The following POLQ variants were observed in gnomAD, a reference collection of about 807,000 sequenced individuals.
The protein encoded by POLQ is DNA polymerase theta, also known as epididymis secretory sperm binding protein.
Under a neutral mutation model 259.2 loss-of-function variants are expected in POLQ, and 233 were observed. The observed-to-expected ratio is 0.90, with a 90% CI of 0.81 to 1.00. The LOEUF is 1.00. Ranked by LOEUF, POLQ falls within the 50% of genes least tolerant of loss-of-function variation. The pLI is 0.00. For missense variants in POLQ, 2,871 were observed against 3,051.6 expected, an observed-to-expected ratio of 0.94 and a Z score of 1.39; for synonymous variants, 1,025 against 1,048.8, an observed-to-expected ratio of 0.98 and a Z score of 0.44.
At chr3:121,515,771 A>G (rs1474698667) in intron 9 of POLQ, among the ~76,000 whole-genome samples, 1 of 152,210 alleles carries the variant, frequency 6.6e-6, no homozygotes, top group Non-Finnish European at 1.5e-5. Context: ...CACAGATTAC[A>G]AAGAACCAGG....
chr3:121,470,990 TGTCTA>T (rs1471429256), intron 22 of POLQ, among the ~76,000 whole-genome samples: 1 of 152,192 alleles, frequency 6.6e-6, no homozygotes, highest in East Asian at 1.9e-4. Flanking sequence ...TTAAGTATCT[TGTCTA>T]AAGATTCACA....
Position 121,481,754 on chromosome 3 carries a change from G to A in POLQ, c.6029C>T (p.Thr2010Ile). 6.2e-7 allele frequency: 1 copy of A among 1,613,866 alleles called. No homozygotes were observed. Among genetic ancestry groups the A allele is most frequent in the South Asian group, 1.1e-5 (1 of 91,078 alleles). ...SQEPTLHSIVTSFLPHELPLL... is the reference protein window; with the variant it reads ...SQEPTLHSIVISFLPHELPLL... ...TGGAAGCTCATGAGGAAGAAAACTG[G>A]TAACTATGCTATGAAGAGTCGGCTC... Residue 2010 changes from threonine to isoleucine, a missense_variant, in exon 19 of 30, where the codon ACC becomes ATC. Around this residue, in one of 3 missense-constraint regions of POLQ, gnomAD observed 2,080 missense variants for 2,126.0 expected, o/e 0.98. Transcript: ENST00000264233.
intron 6 of POLQ, among the ~76,000 whole-genome samples, chr3:121,530,207 C>G (rs1424679413): frequency 6.6e-6 from 1 of 152,106 alleles, no homozygotes; most frequent in Non-Finnish European, 1.5e-5. Flanking sequence ...TCAATAGAAA[C>G]CATACTTTGG....
At chr3:121,539,938 TAAAG>T (rs2048478948) in intron 3 of POLQ, among the ~76,000 whole-genome samples, 1 of 152,132 alleles carries the variant, frequency 6.6e-6, no homozygotes, top group African/African-American at 2.4e-5. Flanking sequence ...CTATAACACT[TAAAG>T]AAACAAATTT....
chr3:121,460,284 A>C (rs373891377), intron 24 of POLQ, 50 bp from the exon 25 acceptor site: 10 of 1,365,848 alleles, frequency 7.3e-6, no homozygotes, highest in African/African-American at 7.2e-5. Context: ...TCTATATCAC[A>C]CAATCCAAGT....
chr3:121,543,260 CACTA>C (rs1230261599), intron 2 of POLQ, among the ~76,000 whole-genome samples: 1 of 152,224 alleles, frequency 6.6e-6, no homozygotes, highest in Non-Finnish European at 1.5e-5. Flanking sequence ...ATGCCACTGC[CACTA>C]ACTATGACTT....
intron 7 of POLQ, among the ~76,000 whole-genome samples, chr3:121,523,510 G>A (rs755113669): frequency 5.3e-5 from 8 of 152,070 alleles, no homozygotes; most frequent in Non-Finnish European, 8.8e-5. Context: ...CCAGGAGTTT[G>A]AGACCAGCCT....
intron 9 of POLQ, among the ~76,000 whole-genome samples, chr3:121,514,481 C>T (rs953330526): frequency 4.6e-5 from 7 of 151,924 alleles, no homozygotes; most frequent in Non-Finnish European, 8.8e-5. Flanking sequence ...GACCTCATCA[C>T]CCCTTCCACT....
intron 12 of POLQ, among the ~76,000 whole-genome samples, chr3:121,501,061 G>A (rs985907811): frequency 1.1e-4 from 16 of 152,078 alleles, no homozygotes; most frequent in Admixed American, 6.5e-4. Context: ...CCTCCTGGGC[G>A]GAAGCCATCC....
At chr3:121,482,313 G>A (rs896111743) in intron 18 of POLQ, among the ~76,000 whole-genome samples, 2 of 152,142 alleles carry the variant, frequency 1.3e-5, no homozygotes, top group African/African-American at 4.8e-5. Context: ...GAGGTCAGAA[G>A]TTCAAGACTA....
chr3:121,486,554 A>AAATT (rs1560096298), intron 16 of POLQ, among the ~76,000 whole-genome samples: 1 of 150,918 alleles, frequency 6.6e-6, no homozygotes, highest in African/African-American at 2.4e-5. Flanking sequence ...TCTGTCTAAA[A>AAATT]AATAATAATA....
chr3:121,513,383 C>G (rs890924164), intron 9 of POLQ, among the ~76,000 whole-genome samples: 4 of 151,796 alleles, frequency 2.6e-5, no homozygotes, highest in African/African-American at 4.8e-5. Context: ...GAGGGCAGAT[C>G]ACGAGGTCAA....
At chr3:121,543,026 T>C (rs2048501712) in intron 2 of POLQ, among the ~76,000 whole-genome samples, 2 of 151,188 alleles carry the variant, frequency 1.3e-5, no homozygotes. Flanking sequence ...CAGGGCAAGA[T>C]CAGAGGAAAA....
At position 121,529,805 on chromosome 3, in the gene POLQ, G is replaced by T. The variant is rs753578990; in HGVS notation, c.961-13C>A. 3 of 1,593,740 alleles carry T rather than the reference G, an allele frequency of 1.9e-6. No homozygotes were observed. In the South Asian group the frequency reaches 3.4e-5, roughly 18 times the overall value. ...GGTCCTCATCTCCCTAAAACAGAAA[G>T]ATAAATAACCACTTTAGTGGTCCTT... On this transcript the variant is annotated splice_polypyrimidine_tract_variant and intron_variant, in intron 6 of 29. Transcript: ENST00000264233.
intron 6 of POLQ, 36 bp downstream of exon 6, chr3:121,532,954 G>GTT: frequency 7.8e-7 from 1 of 1,278,884 alleles, no homozygotes; most frequent in Non-Finnish European, 1.1e-6. Flanking sequence ...CAAACACACA[G>GTT]ATAAAAATAG....
At chr3:121,497,363 A>G (rs1012697165) in intron 13 of POLQ, among the ~76,000 whole-genome samples, 11 of 152,242 alleles carry the variant, frequency 7.2e-5, no homozygotes, top group African/African-American at 2.7e-4. Context: ...TATAAATCCA[A>G]GTATATAAAA....
chr3:121,506,685 C>T (rs1410474583), intron 12 of POLQ, among the ~76,000 whole-genome samples: 1 of 152,134 alleles, frequency 6.6e-6, no homozygotes. Flanking sequence ...AAACCAAAAT[C>T]ACTTATGGTT....
chr3:121,508,361 A>G (rs2048226816), intron 12 of POLQ, among the ~76,000 whole-genome samples: 1 of 152,244 alleles, frequency 6.6e-6, no homozygotes, highest in South Asian at 2.1e-4. Flanking sequence ...GTTATTAAAC[A>G]TTTATTCAGA....
At position 121,488,768 on chromosome 3, in the gene POLQ, T is replaced by A; in HGVS notation, c.4163A>T (p.Asp1388Val). 6.2e-7 allele frequency: 1 copy of A among 1,613,964 alleles called. No homozygotes were observed. The highest frequency in any genetic ancestry group is 1.1e-5 in the South Asian group (1 of 91,034). ...ACCTACAGTCTTAAGGTCCAAATGA[T>A]CTATCTTAGTCGCTCCTAGAGGGTG... ...EQHPLGATKI[D>V]HLDLKTVGTM... Residue 1388 changes from aspartate (D) to valine (V), a missense_variant, in exon 16 of 30, where the codon GAT becomes GTT. Asp to Val is a radical substitution (Grantham distance 152). Around this residue, in one of 3 missense-constraint regions of POLQ, gnomAD observed 2,080 missense variants for 2,126.0 expected, o/e 0.98. Transcript: ENST00000264233.
Sources: gnomAD v4.1 joint callset for allele counts (sites outside exome capture counted in the v4.1 genomes callset) on GRCh38, gnomAD v4.1.1 for gene constraint, gnomAD v4.1.1 regional missense constraint, MANE v1.5 for transcripts, NCBI Gene and HGNC (gene_info 2026-07-23, HGNC 2026-07-21) for gene names.